Variants in UST observed in about 807,000 individuals in gnomAD.
UST encodes uronyl 2-sulfotransferase.
A neutral mutation model predicts 45.6 loss-of-function variants in UST; 21 were observed. The ratio of observed to expected loss-of-function variants is 0.46; its 90% confidence interval spans 0.33 to 0.66. The LOEUF (loss-of-function observed/expected upper bound fraction) is 0.66. UST is among the 30% of genes least tolerant of loss of function. The pLI, the probability that UST is intolerant of heterozygous loss-of-function variation, is 0.02. For missense variants in UST, 463 were observed against 512.4 expected, an observed-to-expected ratio of 0.90 and a Z score of 0.93; for synonymous variants, 215 against 200.6, an observed-to-expected ratio of 1.07 and a Z score of -0.61.
chr6:148,786,394 C>T (rs1388277148), intron 1 of UST, among the ~76,000 whole-genome samples: 2 of 152,120 alleles, frequency 1.3e-5, no homozygotes, highest in African/African-American at 4.8e-5. Context: ...TTCCCACCCC[C>T]TGCCCTCGAA....
chr6:148,760,163 A>G (rs1022293717), intron 1 of UST, among the ~76,000 whole-genome samples: 3 of 152,212 alleles, frequency 2.0e-5, no homozygotes, highest in Non-Finnish European at 2.9e-5. Flanking sequence ...AATTTTTTCT[A>G]AAATTAAAAT....
chr6:148,802,387 C>T (rs1472266948), intron 1 of UST, among the ~76,000 whole-genome samples: 8 of 152,148 alleles, frequency 5.3e-5, no homozygotes, highest in Non-Finnish European at 8.8e-5. Flanking sequence ...ATCTTTTTGT[C>T]ATTTTAATTT....
At chr6:148,854,487 C>T (rs1778164815) in intron 1 of UST, among the ~76,000 whole-genome samples, 1 of 152,202 alleles carries the variant, frequency 6.6e-6, no homozygotes, top group South Asian at 2.1e-4. Context: ...TATTTACTTA[C>T]ATTCTCAGCA....
intron 5 of UST, among the ~76,000 whole-genome samples, chr6:148,973,170 G>A (rs996229049): frequency 2.6e-5 from 4 of 152,144 alleles, no homozygotes; most frequent in African/African-American, 9.7e-5. Flanking sequence ...AATATTATGT[G>A]TTGTATTTAT....
intron 2 of UST, among the ~76,000 whole-genome samples, chr6:148,914,174 T>C (rs181906389): frequency 6.6e-6 from 1 of 152,382 alleles, no homozygotes; most frequent in East Asian, 1.9e-4. Flanking sequence ...TTTTCCATTG[T>C]ACTGCATTAG....
chr6:148,991,972 C>T (rs1781361995), intron 5 of UST, among the ~76,000 whole-genome samples: 1 of 152,156 alleles, frequency 6.6e-6, no homozygotes, highest in Non-Finnish European at 1.5e-5. Flanking sequence ...ATAATTTTTA[C>T]TGCTCCATCA....
intron 7 of UST, among the ~76,000 whole-genome samples, chr6:149,061,345 T>C (rs1396296865): frequency 1.3e-5 from 2 of 152,176 alleles, no homozygotes; most frequent in Non-Finnish European, 2.9e-5. Flanking sequence ...GTACTGAAGA[T>C]TATGAACCAG....
At chr6:148,773,079 A>G (rs144807370) in intron 1 of UST, among the ~76,000 whole-genome samples, 2 of 152,242 alleles carry the variant, frequency 1.3e-5, no homozygotes, top group Non-Finnish European at 2.9e-5. Context: ...AATAGGATCT[A>G]TGTTGAAAGA....
At chr6:148,917,815 C>T (rs921674225) in intron 2 of UST, among the ~76,000 whole-genome samples, 12 of 152,184 alleles carry the variant, frequency 7.9e-5, no homozygotes, top group African/African-American at 1.9e-4. Flanking sequence ...GACGGGAGCT[C>T]AGATGGGTGG....
In UST at chr6:149,074,766, C is replaced by T. The variant is rs1231797449; in HGVS notation, c.*650C>T. ...TTTTTTTTTTTTAAAGGAGGAGGAT[C>T]TCCATGGGTAAGTGGTTTCTACCCG... On this transcript the variant is annotated 3_prime_UTR_variant, in exon 8 of 8. Transcript: ENST00000367463. 1.3e-5 allele frequency: 2 copies of T among 152,160 alleles called. No homozygotes were observed. The highest frequency in any genetic ancestry group is 2.9e-5 in the Non-Finnish European group (2 of 68,254). 9.4% of individuals were successfully genotyped at this position (152,160 alleles called of 1,614,324 possible).
chr6:148,763,853 A>G (rs767171350), intron 1 of UST, among the ~76,000 whole-genome samples: 6 of 152,086 alleles, frequency 3.9e-5, no homozygotes, highest in African/African-American at 1.4e-4. Context: ...CTATTGCTCT[A>G]TATGTCTGTT....
At chr6:148,956,973 G>A (rs1057094723) in intron 4 of UST, among the ~76,000 whole-genome samples, 1 of 152,168 alleles carries the variant, frequency 6.6e-6, no homozygotes, top group African/African-American at 2.4e-5. Flanking sequence ...GGGGAGGTGA[G>A]GGATGGGTCA....
intron 1 of UST, among the ~76,000 whole-genome samples, chr6:148,873,111 C>A (rs13214203): frequency 0.042 from 6,379 of 152,256 alleles, 136 homozygotes; most frequent in Middle Eastern, 0.092. Context: ...CTGTTGCTGA[C>A]AAATGTGATG....
At chr6:149,033,016 G>A (rs564802255) in intron 7 of UST, among the ~76,000 whole-genome samples, 6 of 152,248 alleles carry the variant, frequency 3.9e-5, no homozygotes, top group Non-Finnish European at 2.9e-5. Context: ...TCAATTTTTG[G>A]ACTTTCCTGA....
At chr6:148,839,030 C>T (rs1777843537) in intron 1 of UST, among the ~76,000 whole-genome samples, 1 of 152,174 alleles carries the variant, frequency 6.6e-6, no homozygotes, top group Non-Finnish European at 1.5e-5. Flanking sequence ...TGAGTACCTA[C>T]TATATTTTAG....
chr6:148,879,935 T>C (rs1018428820), intron 1 of UST, among the ~76,000 whole-genome samples: 26 of 108,294 alleles, frequency 2.4e-4, no homozygotes, highest in Non-Finnish European at 4.5e-4. Context: ...CTGACTTTTC[T>C]TTTTTCTTTT....
intron 1 of UST, among the ~76,000 whole-genome samples, chr6:148,843,023 G>A (rs1397090276): frequency 6.6e-6 from 1 of 152,248 alleles, no homozygotes; most frequent in Non-Finnish European, 1.5e-5. Context: ...CTAGGCACCT[G>A]AAGATTCCTG....
At position 149,024,952 on chromosome 6, in the gene UST, CA is replaced by C. The variant is rs71744071; in HGVS notation, c.937+3482del. The stretch of plus-strand genomic sequence containing the variant: ...TTGTCCTGTTATTGAAAAACAAAAA[CA>C]AAAAAAAAAATAGGAGTTTGCTGAC... On this transcript the variant is annotated intron_variant, in intron 7 of 7. Coordinates refer to ENST00000367463, the MANE Select transcript of UST (RefSeq NM_005715.3). 2.4e-3 allele frequency among the ~76,000 whole-genome samples: 341 copies of C among 140,550 alleles called. 1 individual carries two copies. Among genetic ancestry groups the C allele is most frequent in the Middle Eastern group, 3.7e-3 (1 of 272 alleles). 92.2% of individuals were successfully genotyped at this position (140,550 alleles called of 152,430 possible).
intron 1 of UST, among the ~76,000 whole-genome samples, chr6:148,797,946 C>G (rs1196991405): frequency 6.6e-6 from 1 of 152,074 alleles, no homozygotes; most frequent in African/African-American, 2.4e-5. Flanking sequence ...CAGTGTACTC[C>G]ATTAAGGGGT....
Sources: allele counts gnomAD v4.1 joint callset (sites outside exome capture counted in the v4.1 genomes callset), GRCh38; gene constraint gnomAD v4.1.1; transcripts MANE v1.5; gene names NCBI Gene and HGNC (gene_info 2026-07-23, HGNC 2026-07-21).